Variants in DPYD observed in about 807,000 individuals in gnomAD.
The protein encoded by DPYD is dihydropyrimidine dehydrogenase.
DPYD carries 109 observed loss-of-function variants against 116.2 expected under a neutral mutation model. That is an observed-to-expected ratio of 0.94 (90% confidence interval 0.80 to 1.10). DPYD has a LOEUF of 1.10. Ranked by LOEUF, DPYD falls within the 50% of genes least tolerant of loss-of-function variation. DPYD has a pLI of 0.00. For missense variants in DPYD, 1,302 were observed against 1,254.5 expected (o/e 1.04, Z -0.57); for synonymous variants, 440 against 432.0 (o/e 1.02, Z -0.23).
chr1:97,575,476 C>T (rs1223078209), intron 10 of DPYD, among the ~76,000 whole-genome samples: 3 of 152,060 alleles, frequency 2.0e-5, no homozygotes, highest in Non-Finnish European at 4.4e-5. Flanking sequence ...AAACACTGAT[C>T]TATACTATAC....
chr1:97,124,630 T>C (rs546648181), intron 20 of DPYD, among the ~76,000 whole-genome samples: 116 of 152,232 alleles, frequency 7.6e-4, no homozygotes, highest in African/African-American at 2.7e-3. Flanking sequence ...CCTTCCTATT[T>C]GGCCAGCTAC....
intron 20 of DPYD, among the ~76,000 whole-genome samples, chr1:97,120,405 T>G (rs2101643792): frequency 6.6e-6 from 1 of 152,268 alleles, no homozygotes; most frequent in Non-Finnish European, 1.5e-5. Context: ...CAGCTTTCCT[T>G]GAAGACAAAG....
At chr1:97,395,359 A>T (rs1672952258) in intron 14 of DPYD, among the ~76,000 whole-genome samples, 1 of 151,920 alleles carries the variant, frequency 6.6e-6, no homozygotes, top group African/African-American at 2.4e-5. Context: ...AGATTTTCAC[A>T]TACATTATCT....
chr1:97,327,614 T>C (rs1270621635), intron 16 of DPYD, among the ~76,000 whole-genome samples: 2 of 152,038 alleles, frequency 1.3e-5, no homozygotes, highest in Non-Finnish European at 2.9e-5. Flanking sequence ...CAAAATTTAA[T>C]GCTTATCATT....
At chr1:97,336,993 T>C (rs1307107038) in intron 16 of DPYD, among the ~76,000 whole-genome samples, 5 of 152,072 alleles carry the variant, frequency 3.3e-5, no homozygotes, top group Admixed American at 2.0e-4. Context: ...ACGTGACTGG[T>C]GACACTTCTG....
At chr1:97,875,012 TACC>T (rs1405992917) in intron 2 of DPYD, among the ~76,000 whole-genome samples, 3 of 152,040 alleles carry the variant, frequency 2.0e-5, no homozygotes, top group Non-Finnish European at 4.4e-5. Flanking sequence ...ATATGGCAAG[TACC>T]ACAATGACAT....
chr1:97,442,494 C>T (rs1332543124), intron 14 of DPYD, among the ~76,000 whole-genome samples: 1 of 151,528 alleles, frequency 6.6e-6, no homozygotes, highest in Non-Finnish European at 1.5e-5. Context: ...TTTTGCTACC[C>T]TTGTTTTGTG....
chr1:97,440,312 C>T (rs1025965470), intron 14 of DPYD, among the ~76,000 whole-genome samples: 13 of 150,688 alleles, frequency 8.6e-5, no homozygotes, highest in South Asian at 2.1e-4. Flanking sequence ...CCTTTAATTG[C>T]GGTGCTTAGA....
At chr1:97,403,482 T>C (rs2101642922) in intron 14 of DPYD, among the ~76,000 whole-genome samples, 1 of 152,216 alleles carries the variant, frequency 6.6e-6, no homozygotes, top group South Asian at 2.1e-4. Flanking sequence ...TAATTATTGA[T>C]TTGATTTCTT....
intron 20 of DPYD, among the ~76,000 whole-genome samples, chr1:97,177,196 A>G (rs1167988587): frequency 6.6e-6 from 1 of 152,190 alleles, no homozygotes; most frequent in Non-Finnish European, 1.5e-5. Context: ...GTTTGCATCT[A>G]TAATGACCAG....
At chr1:97,859,052 T>C (rs745333535) in intron 2 of DPYD, among the ~76,000 whole-genome samples, 1 of 152,190 alleles carries the variant, frequency 6.6e-6, no homozygotes, top group Non-Finnish European at 1.5e-5. Flanking sequence ...TTTTTGATAA[T>C]TTCCCTCCTT....
At chr1:97,306,717 A>T (rs971304372) in intron 16 of DPYD, among the ~76,000 whole-genome samples, 2 of 151,952 alleles carry the variant, frequency 1.3e-5, no homozygotes, top group Admixed American at 6.6e-5. Context: ...CAAGTGAATG[A>T]TATTAAATCT....
chr1:97,788,815 G>T (rs1462391474), intron 3 of DPYD, among the ~76,000 whole-genome samples: 1 of 152,100 alleles, frequency 6.6e-6, no homozygotes, highest in East Asian at 1.9e-4. Flanking sequence ...TATTGTTGTT[G>T]TTGTTGTTGT....
In DPYD at chr1:97,109,074, A is replaced by G. The variant is rs548439916; in HGVS notation, c.2623-10442T>C. 3.0e-4 allele frequency among the ~76,000 whole-genome samples: 46 copies of G among 152,152 alleles called. 1 individual carries two copies. Among genetic ancestry groups the G allele is most frequent in the Non-Finnish European group, 6.3e-4 (43 of 67,998 alleles). On this transcript the variant is annotated intron_variant, in intron 20 of 22. Transcript: ENST00000370192. ...GTAAGCCTCAATTTTCATCTGTATA[A>G]AACAGAAATAACAATGATCACCTTG... is the stretch of plus-strand genomic sequence containing the variant.
intron 12 of DPYD, among the ~76,000 whole-genome samples, chr1:97,537,669 T>C (rs1452327534): frequency 6.6e-6 from 1 of 151,724 alleles, no homozygotes; most frequent in Non-Finnish European, 1.5e-5. Flanking sequence ...TGTTCTTGTT[T>C]GTTAACTAAG....
At chr1:97,226,518 G>A (rs1661176261) in intron 19 of DPYD, among the ~76,000 whole-genome samples, 1 of 152,046 alleles carries the variant, frequency 6.6e-6, no homozygotes, top group Non-Finnish European at 1.5e-5. Context: ...TAGAATAAAT[G>A]TATTCAATAA....
intron 11 of DPYD, among the ~76,000 whole-genome samples, chr1:97,562,848 T>G (rs1025423655): frequency 6.6e-6 from 1 of 151,858 alleles, no homozygotes; most frequent in African/African-American, 2.4e-5. Flanking sequence ...CCCCCCCGAG[T>G]AGCTGGGATT....
In DPYD at chr1:97,234,964, G is replaced by T. The variant is rs374825099; in HGVS notation, c.2330C>A (p.Ala777Asp). ...CAGAGCACGAGCAATGGAGGTCACA[G>T]CTCTCAAAGCAATAGGTCTGATTGC... ...GTAIRPIALR[A>D]VTSIARALPG... The change falls in exon 19 of 23, where the codon GCT (alanine) becomes GAT (aspartate). Residue 777 changes from alanine (A) to aspartate (D), a missense_variant. By Grantham distance (126) the Ala-to-Asp change is moderately radical. Coordinates refer to ENST00000370192, the MANE Select transcript of DPYD (RefSeq NM_000110.4). 54 of 1,613,972 alleles carry T rather than the reference G, an allele frequency of 3.3e-5. No homozygotes were observed. Among genetic ancestry groups the T allele is most frequent in the Middle Eastern group, 1.6e-4 (1 of 6,084 alleles).
intron 13 of DPYD, among the ~76,000 whole-genome samples, chr1:97,457,614 T>G (rs1676756648): frequency 6.6e-6 from 1 of 152,098 alleles, no homozygotes; most frequent in Non-Finnish European, 1.5e-5. Context: ...TAAATAAATG[T>G]TTATTCATTC....
Sources: gnomAD v4.1 joint callset for allele counts (sites outside exome capture counted in the v4.1 genomes callset) on GRCh38, gnomAD v4.1.1 for gene constraint, MANE v1.5 for transcripts, NCBI Gene and HGNC (gene_info 2026-07-23, HGNC 2026-07-21) for gene names.